Variants in ANAPC4 observed in about 807,000 individuals in gnomAD.
The protein encoded by ANAPC4 is anaphase-promoting complex subunit 4.
In ANAPC4, 63 loss-of-function variants were observed where a neutral mutation model predicts 119.8. That is an observed-to-expected ratio of 0.53 (90% CI 0.43 to 0.65). The LOEUF is 0.65. Ranked by LOEUF, ANAPC4 falls within the 30% of genes least tolerant of loss-of-function variation. The probability of loss-of-function intolerance (pLI) is 0.00; values close to 1 mark genes in which losing one functional copy is unlikely to be tolerated. For synonymous variants in ANAPC4, 283 were observed against 318.6 expected, an observed-to-expected ratio of 0.89 and a Z score of 1.19; for missense variants, 716 against 945.1, an observed-to-expected ratio of 0.76 and a Z score of 3.18.
chr4:25,391,181 C>A (rs1451659926), intron 9 of ANAPC4, among the ~76,000 whole-genome samples, 166 bp downstream of exon 9: 1 of 152,068 alleles, frequency 6.6e-6, no homozygotes, highest in Non-Finnish European at 1.5e-5. Flanking sequence ...ATAGTGAATA[C>A]CATATTATTC....
intron 16 of ANAPC4, among the ~76,000 whole-genome samples, chr4:25,397,145 A>G (rs1722702785): frequency 6.6e-6 from 1 of 152,094 alleles, no homozygotes; most frequent in African/African-American, 2.4e-5. Context: ...CTCTTTAACT[A>G]CTTCTATTTT....
At chr4:25,391,098 A>T in intron 9 of ANAPC4, 83 bp downstream of exon 9, 21 of 1,010,006 alleles carry the variant, frequency 2.1e-5, no homozygotes, top group East Asian at 5.0e-5. Context: ...ATCTCACTGT[A>T]TTGTAATGAT....
chr4:25,377,448 T>C lies in ANAPC4; in HGVS notation c.21T>C (p.Cys7=). The C allele has an allele frequency of 6.2e-7, 1 of 1,614,104 alleles. No homozygotes were observed. Among genetic ancestry groups the C allele is most frequent in the Non-Finnish European group, 8.5e-7 (1 of 1,179,984 alleles). ...TCCCCATGTTGCGTTTTCCGACCTG[T>C]TTCCCATCCTTCCGGGTGGTGGGAG... MLRFPT[C]FPSFRVVGEK... is the part of the protein sequence containing the mutation. The change falls in exon 2 of 29, where the codon TGT becomes TGC. Residue 7 remains cysteine, a synonymous_variant. Coordinates refer to ENST00000315368, the MANE Select transcript of ANAPC4 (RefSeq NM_013367.3).
chr4:25,407,702 CATA>C (rs149986804), intron 20 of ANAPC4, among the ~76,000 whole-genome samples: 61,547 of 151,690 alleles, frequency 0.41, 14,486 homozygotes, highest in Non-Finnish European at 0.52. Context: ...AAAAATTAAA[CATA>C]ATAAAAAATT....
At position 25,405,435 on chromosome 4, in the gene ANAPC4, A is replaced by C. The variant is rs1723198163; in HGVS notation, c.1271-138A>C. ...TGGCACCCCTTAGTTTTTGGAAGAA[A>C]AATGTTTTTGTTGGTGAAAAGCTGT... On this transcript the variant is annotated intron_variant, in intron 17 of 28. Transcript: ENST00000315368. This position sits in a 1 kb window ranked among gnomAD's most constrained non-coding sequence, Gnocchi z 4.6. The C allele has an allele frequency of 2.7e-6, 2 of 728,288 alleles. No homozygotes were observed. The highest frequency in any genetic ancestry group is 4.4e-6 in the Non-Finnish European group (2 of 455,358). The allele number at this position is 728,288 out of a possible 1,614,324, so 45.1% of individuals were successfully genotyped here. A position where few individuals can be genotyped will look rare whatever the true frequency, so the allele number is the denominator to read the frequency against.
intron 26 of ANAPC4, chr4:25,415,754 G>A: frequency 2.3e-6 from 1 of 435,098 alleles, no homozygotes; most frequent in African/African-American, 2.0e-5. Flanking sequence ...ATGTCGTACG[G>A]TTTCCTATAA....
chr4:25,416,650 C>T (rs2109149117), intron 27 of ANAPC4, 52 bp downstream of exon 27: 3 of 1,358,706 alleles, frequency 2.2e-6, no homozygotes, highest in Non-Finnish European at 2.0e-6. Context: ...TTTTTTAATG[C>T]ACATTATAAA....
At chr4:25,398,460 A>G (rs77442687) in intron 16 of ANAPC4, among the ~76,000 whole-genome samples, 2 of 152,162 alleles carry the variant, frequency 1.3e-5, no homozygotes, top group East Asian at 1.9e-4. Context: ...AGTTTGGAGC[A>G]TGCCTGGCAT....
chr4:25,416,675 G>A (rs1432900882), intron 27 of ANAPC4, 77 bp downstream of exon 27: 10 of 1,193,112 alleles, frequency 8.4e-6, no homozygotes, highest in Non-Finnish European at 1.1e-5. Flanking sequence ...AACCTTTTAG[G>A]TACGCTAGAT....
At position 25,394,952 on chromosome 4, in the gene ANAPC4, T is replaced by C. The variant is rs1386371706; in HGVS notation, c.1061+47T>C. On this transcript the variant is annotated intron_variant, in intron 14 of 28. Transcript: ENST00000315368. Reference sequence around the variant, plus strand: ...TTTTGGTATTGTATCCACACATACCTGGCGTTGGCCTTCTTTCCGCCGCCT... The same window carrying C: ...TTTTGGTATTGTATCCACACATACCCGGCGTTGGCCTTCTTTCCGCCGCCT... The C allele has an allele frequency of 4.2e-6, 6 of 1,422,278 alleles. No individual in the cohort carries two copies. In the African/African-American group the frequency reaches 5.8e-5, roughly 14 times the overall value. 88.1% of individuals were successfully genotyped at this position (1,422,278 alleles called of 1,614,324 possible). A position where few individuals can be genotyped will look rare whatever the true frequency, so the allele number is the denominator to read the frequency against.
At chr4:25,393,924 T>TA (rs1722495829) in intron 11 of ANAPC4, 33 bp downstream of exon 11, 2 of 1,522,700 alleles carry the variant, frequency 1.3e-6, no homozygotes, top group South Asian at 2.4e-5. Context: ...TGGAGAGAGT[T>TA]AAAGAATGCA....
intron 16 of ANAPC4, among the ~76,000 whole-genome samples, chr4:25,397,128 ATT>A (rs1195354829): frequency 6.6e-6 from 1 of 152,198 alleles, no homozygotes; most frequent in African/African-American, 2.4e-5. Context: ...AGAGGGAATC[ATT>A]TTAACTCTTT....
intron 26 of ANAPC4, chr4:25,415,750 T>C: frequency 2.3e-6 from 1 of 442,762 alleles, no homozygotes; most frequent in South Asian, 5.0e-5. Context: ...GTTTATGTCG[T>C]ACGGTTTCCT....
In ANAPC4 at chr4:25,412,176, T is replaced by C. The variant is rs529123730; in HGVS notation, c.1526-1469T>C. On this transcript the variant is annotated intron_variant, in intron 21 of 28. Coordinates refer to ENST00000315368, the MANE Select transcript of ANAPC4 (RefSeq NM_013367.3). ...AGAATATGACTCAGGAACAGCCACA[T>C]AGAAGTGCTATATCAGGCAGGGTAT... 3.3e-5 allele frequency among the ~76,000 whole-genome samples: 5 copies of C among 152,326 alleles called. No individual in the cohort carries two copies. In the East Asian group the frequency reaches 7.7e-4, roughly 23 times the overall value.
intron 4 of ANAPC4, 95 bp downstream of exon 4, chr4:25,383,488 C>T (rs184722481): frequency 2.7e-5 from 32 of 1,171,474 alleles, no homozygotes; most frequent in Non-Finnish European, 3.4e-5. Flanking sequence ...GGTGTATGTG[C>T]GTTGTATTTA....
At position 25,389,269 on chromosome 4, in the gene ANAPC4, C is replaced by T. The variant is rs187933672; in HGVS notation, c.515+387C>T. ...CGCCTTCCTGGTTCAAGTGATTCTT[C>T]TGCCTCAGCCTCCCGAGTAGCTGGG... On this transcript the variant is annotated intron_variant, in intron 7 of 28. Coordinates refer to ENST00000315368, the MANE Select transcript of ANAPC4 (RefSeq NM_013367.3). Among the ~76,000 whole-genome samples, 3 of 151,032 alleles carry T rather than the reference C, an allele frequency of 2.0e-5. No individual in the cohort carries two copies. In the Admixed American group the frequency reaches 2.0e-4, roughly 10 times the overall value.
At chr4:25,386,801 T>G (rs74919012) in intron 4 of ANAPC4, among the ~76,000 whole-genome samples, 1,636 of 152,190 alleles carry the variant, frequency 0.011, 29 homozygotes, top group African/African-American at 0.038. Context: ...GGAAGCACAA[T>G]TGAAGGAGAT....
chr4:25,418,170 C>T lies in ANAPC4; in HGVS notation c.2215C>T (p.Arg739Cys), dbSNP rs1450004796. The T allele has an allele frequency of 6.2e-7, 1 of 1,612,616 alleles. No homozygotes were observed. The highest frequency in any genetic ancestry group is 8.5e-7 in the Non-Finnish European group (1 of 1,179,502). Residue 739 changes from arginine to cysteine, a missense_variant, in exon 29 of 29, where the codon CGT becomes TGT. Transcript: ENST00000315368. Reference sequence around the variant, plus strand: ...TCTTTTTTAGTTAAGCTCAAATCTTCGTCATGTGAGAGTATTTGAAATGGA... The same window carrying T: ...TCTTTTTTAGTTAAGCTCAAATCTTTGTCATGTGAGAGTATTTGAAATGGA... Reference protein sequence around the residue: ...KVSCVLSSNLRHVRVFEMDID... With the variant: ...KVSCVLSSNLCHVRVFEMDID...
At chr4:25,380,662 G>T (rs1299815296) in intron 3 of ANAPC4, 183 bp downstream of exon 3, 1 of 418,562 alleles carries the variant, frequency 2.4e-6, no homozygotes. Context: ...CTGCTATCTT[G>T]TTTCTTGGCA....
Sources: gnomAD v4.1 joint callset for allele counts (sites outside exome capture counted in the v4.1 genomes callset) on GRCh38, gnomAD v4.1.1 for gene constraint, Gnocchi (gnomAD v3.1) non-coding constraint, MANE v1.5 for transcripts, NCBI Gene and HGNC (gene_info 2026-07-23, HGNC 2026-07-21) for gene names.